Variants in SLC14A2 observed in about 807,000 individuals in gnomAD.
The protein encoded by SLC14A2 is urea transporter 2.
Under a neutral mutation model 104.6 loss-of-function variants are expected in SLC14A2, and 91 were observed. The observed-to-expected ratio is 0.87, with a 90% CI of 0.73 to 1.04. The LOEUF is 1.04. SLC14A2 is among the 50% of genes least tolerant of loss of function. The pLI is 0.00. For missense variants in SLC14A2, 1,189 were observed against 1,156.0 expected, an observed-to-expected ratio of 1.03 and a Z score of -0.41; for synonymous variants, 476 against 466.4, an observed-to-expected ratio of 1.02 and a Z score of -0.27.
At chr18:45,310,925 T>C (rs2085071959) in intron 1 of SLC14A2, among the ~76,000 whole-genome samples, 1 of 152,150 alleles carries the variant, frequency 6.6e-6, no homozygotes, top group Non-Finnish European at 1.5e-5. Flanking sequence ...GAAATTCCCT[T>C]GGCACTCTTT....
At chr18:45,640,567 G>A (rs549687097) in intron 7 of SLC14A2, among the ~76,000 whole-genome samples, 1 of 152,328 alleles carries the variant, frequency 6.6e-6, no homozygotes, top group South Asian at 2.1e-4. Flanking sequence ...TCTGACAACA[G>A]AGTCAGAGAT....
chr18:45,388,560 C>G (rs1042059945), intron 1 of SLC14A2, among the ~76,000 whole-genome samples: 3 of 152,028 alleles, frequency 2.0e-5, no homozygotes, highest in Admixed American at 6.6e-5. Flanking sequence ...CTTCAGTGCC[C>G]CAAGATTGCG....
In SLC14A2 at chr18:45,315,116, CT is replaced by C. The variant is rs555196041; in HGVS notation, c.-125+101926del. Among the ~76,000 whole-genome samples, 52 of 152,264 alleles carry C rather than the reference CT, an allele frequency of 3.4e-4. No homozygotes were observed. In the South Asian group the frequency reaches 0.011, roughly 32 times the overall value. ...AATGGCTCCCTGACAATAAGAAGAA[CT>C]GTATCTCACTGCAGGTAGGAGTCAT... On this transcript the variant is annotated intron_variant, in intron 1 of 20. Transcript: ENST00000586448.
At chr18:45,428,665 A>G (rs1285571438) in intron 1 of SLC14A2, among the ~76,000 whole-genome samples, 2 of 152,232 alleles carry the variant, frequency 1.3e-5, no homozygotes, top group African/African-American at 2.4e-5. Context: ...TGTCAAAGTG[A>G]CATGTCATCT....
At chr18:45,383,901 G>A (rs2085866057) in intron 1 of SLC14A2, among the ~76,000 whole-genome samples, 1 of 152,138 alleles carries the variant, frequency 6.6e-6, no homozygotes, top group Admixed American at 6.5e-5. Flanking sequence ...AGAAGCCCCT[G>A]ACAGTGATGT....
At chr18:45,379,475 C>A (rs149567260) in intron 1 of SLC14A2, among the ~76,000 whole-genome samples, 13 of 152,306 alleles carry the variant, frequency 8.5e-5, no homozygotes, top group African/African-American at 2.6e-4. Flanking sequence ...ATTCCCTTAA[C>A]CATTCCTCCT....
intron 10 of SLC14A2, chr18:45,647,561 T>C (rs1161299654): frequency 2.0e-5 from 3 of 152,226 alleles, no homozygotes; most frequent in Non-Finnish European, 4.4e-5. Flanking sequence ...TGTTTTAAAA[T>C]TGATGTAGAA....
rs60235515 is a variant in SLC14A2, at chr18:45,439,444, A to AT, written c.-124-43779dup. ...ATTCTCATGCTATGTATATATTCTGATTTTTTTTTTGTTTTCTTTTTGAAA... is the reference window on the plus strand; with the variant it reads ...ATTCTCATGCTATGTATATATTCTGATTTTTTTTTTTGTTTTCTTTTTGAAA... On this transcript the variant is annotated intron_variant, in intron 1 of 20. Coordinates refer to the SLC14A2 transcript ENST00000586448. Among the ~76,000 whole-genome samples, 412 of 150,958 alleles carry AT rather than the reference A, an allele frequency of 2.7e-3. 3 individuals are homozygous for AT. The highest frequency in any genetic ancestry group is 8.2e-3 in the African/African-American group (337 of 41,104).
upstream of SLC14A2, among the ~76,000 whole-genome samples, chr18:45,610,883 G>C (rs561860183): frequency 6.6e-6 from 1 of 152,168 alleles, no homozygotes; most frequent in Non-Finnish European, 1.5e-5. Flanking sequence ...CACCAAGTCA[G>C]GATAAAAGCA....
chr18:45,419,562 T>C (rs1426351762), intron 1 of SLC14A2, among the ~76,000 whole-genome samples: 1 of 152,152 alleles, frequency 6.6e-6, no homozygotes, highest in Non-Finnish European at 1.5e-5. Context: ...TCACCTGAGG[T>C]CAGGAGATCG....
chr18:45,400,669 T>C (rs779914169), intron 1 of SLC14A2, among the ~76,000 whole-genome samples: 2 of 152,236 alleles, frequency 1.3e-5, no homozygotes, highest in Non-Finnish European at 2.9e-5. Flanking sequence ...GAGTTAATTA[T>C]TATTATGATA....
intron 1 of SLC14A2, among the ~76,000 whole-genome samples, chr18:45,215,838 T>C (rs1012407677): frequency 1.3e-5 from 2 of 149,680 alleles, no homozygotes; most frequent in Admixed American, 6.6e-5. Context: ...ATTTCTATAA[T>C]GGTATTTTTT....
chr18:45,503,577 T>A (rs1323313830), intron 2 of SLC14A2, among the ~76,000 whole-genome samples: 2 of 152,150 alleles, frequency 1.3e-5, no homozygotes, highest in African/African-American at 4.8e-5. Flanking sequence ...CAAAACACAT[T>A]CCTATTAGTC....
At chr18:45,270,355 G>A (rs934176869) in intron 1 of SLC14A2, among the ~76,000 whole-genome samples, 1 of 152,096 alleles carries the variant, frequency 6.6e-6, no homozygotes, top group Admixed American at 6.6e-5. Context: ...ACCCAAGACA[G>A]GAAGGCAGGA....
chr18:45,369,661 C>T (rs980693155), intron 1 of SLC14A2, among the ~76,000 whole-genome samples: 4 of 152,122 alleles, frequency 2.6e-5, no homozygotes, highest in Non-Finnish European at 5.9e-5. Flanking sequence ...GGTGTATTTG[C>T]TCATGTGTGT....
intron 1 of SLC14A2, among the ~76,000 whole-genome samples, chr18:45,234,267 G>T (rs950645403): frequency 1.3e-5 from 2 of 152,172 alleles, no homozygotes; most frequent in South Asian, 2.1e-4. Context: ...TCATGTAGGG[G>T]TTGTTAGGTG....
At chr18:45,388,545 G>C (rs75272136) in intron 1 of SLC14A2, among the ~76,000 whole-genome samples, 9 of 152,024 alleles carry the variant, frequency 5.9e-5, no homozygotes, top group African/African-American at 2.2e-4. Context: ...TTTTTCGTCT[G>C]TTCTCTTCAG....
intron 1 of SLC14A2, among the ~76,000 whole-genome samples, chr18:45,405,413 A>C (rs544809096): frequency 6.6e-6 from 1 of 152,312 alleles, no homozygotes; most frequent in East Asian, 1.9e-4. Flanking sequence ...AGCAGGAGGA[A>C]CAGAGGAACC....
chr18:45,450,593 G>T (rs2086841924), intron 1 of SLC14A2, among the ~76,000 whole-genome samples: 3 of 152,138 alleles, frequency 2.0e-5, no homozygotes, highest in Non-Finnish European at 2.9e-5. Context: ...CATCATTGTT[G>T]TTCCATTCAA....
Sources: allele counts gnomAD v4.1 joint callset (sites outside exome capture counted in the v4.1 genomes callset), GRCh38; gene constraint gnomAD v4.1.1; transcripts MANE v1.5; gene names NCBI Gene and HGNC (gene_info 2026-07-23, HGNC 2026-07-21).